Variants in CNTNAP2 observed in about 807,000 individuals in gnomAD.
CNTNAP2 encodes the protein contactin-associated protein-like 2.
Under a neutral mutation model 155.2 loss-of-function variants are expected in CNTNAP2, and 98 were observed. The observed-to-expected ratio is 0.63, with a 90% CI of 0.54 to 0.75. The LOEUF (loss-of-function observed/expected upper bound fraction) is 0.75. CNTNAP2 is among the 30% of genes least tolerant of loss of function. The pLI is 0.00. For synonymous variants in CNTNAP2, 651 were observed against 631.2 expected (o/e 1.03, Z -0.47); for missense variants, 1,727 against 1,688.1 (o/e 1.02, Z -0.40).
intron 13 of CNTNAP2, among the ~76,000 whole-genome samples, chr7:147,861,369 A>G (rs560437686): frequency 9.0e-4 from 102 of 112,958 alleles, no homozygotes; most frequent in African/African-American, 3.3e-3. Flanking sequence ...ATGCTTATAA[A>G]TGCCTCATAA....
At chr7:146,678,790 A>C in intron 1 of CNTNAP2, among the ~76,000 whole-genome samples, 1 of 152,226 alleles carries the variant, frequency 6.6e-6, no homozygotes, top group East Asian at 1.9e-4. Context: ...AGAACATTTT[A>C]AAATAGACTA....
At chr7:147,448,867 A>G (rs1002930548) in intron 10 of CNTNAP2, among the ~76,000 whole-genome samples, 13 of 152,170 alleles carry the variant, frequency 8.5e-5, no homozygotes, top group African/African-American at 3.1e-4. Context: ...ATTGTAATCT[A>G]TTGTTATGTT....
intron 2 of CNTNAP2, among the ~76,000 whole-genome samples, chr7:146,818,658 G>A (rs1239334075): frequency 6.6e-6 from 1 of 152,080 alleles, no homozygotes; most frequent in African/African-American, 2.4e-5. Context: ...TTTAGCATGT[G>A]TAAAATAGGA....
chr7:147,181,349 A>G (rs892204675), intron 8 of CNTNAP2, among the ~76,000 whole-genome samples: 1 of 152,220 alleles, frequency 6.6e-6, no homozygotes. Flanking sequence ...TATTTTAAAG[A>G]TTAGAATTCA....
chr7:147,271,405 T>A (rs567955316), intron 8 of CNTNAP2, among the ~76,000 whole-genome samples: 97 of 152,008 alleles, frequency 6.4e-4, no homozygotes, highest in Non-Finnish European at 1.2e-3. Context: ...CTGGTCCAAG[T>A]CCAGTCTTGT....
intron 13 of CNTNAP2, among the ~76,000 whole-genome samples, chr7:147,760,876 C>A (rs945205289): frequency 6.6e-6 from 1 of 152,082 alleles, no homozygotes; most frequent in Non-Finnish European, 1.5e-5. Context: ...TAGAAGAAAT[C>A]AAGAAAACAA....
At chr7:148,137,565 G>A (rs1804980371) in intron 16 of CNTNAP2, among the ~76,000 whole-genome samples, 1 of 152,152 alleles carries the variant, frequency 6.6e-6, no homozygotes, top group South Asian at 2.1e-4. Context: ...GGGAGGTTGA[G>A]GCAGGAGAAT....
At chr7:146,534,465 C>A (rs187651472) in intron 1 of CNTNAP2, among the ~76,000 whole-genome samples, 4 of 151,936 alleles carry the variant, frequency 2.6e-5, no homozygotes, top group Admixed American at 6.6e-5. Context: ...TGCAAATGTA[C>A]GGTGTATACA....
At chr7:147,172,384 G>A (rs1294594194) in intron 8 of CNTNAP2, among the ~76,000 whole-genome samples, 1 of 151,866 alleles carries the variant, frequency 6.6e-6, no homozygotes, top group Non-Finnish European at 1.5e-5. Context: ...TGATAATTAT[G>A]GAATAATGCA....
At chr7:147,520,055 G>C (rs759299178) in intron 11 of CNTNAP2, among the ~76,000 whole-genome samples, 1 of 152,054 alleles carries the variant, frequency 6.6e-6, no homozygotes, top group African/African-American at 2.4e-5. Context: ...GCTTTGGAAG[G>C]CTTCTTTCCA....
intron 15 of CNTNAP2, among the ~76,000 whole-genome samples, chr7:148,104,186 A>G (rs545409385): frequency 1.5e-4 from 23 of 152,284 alleles, no homozygotes; most frequent in Admixed American, 5.2e-4. Flanking sequence ...GGACTCTGTT[A>G]CTGTTTTCAG....
intron 9 of CNTNAP2, among the ~76,000 whole-genome samples, chr7:147,383,630 C>A (rs1051087398): frequency 6.6e-6 from 1 of 151,614 alleles, no homozygotes; most frequent in African/African-American, 2.4e-5. Context: ...GGGTGGGGAG[C>A]AAGGGGAGGG....
intron 10 of CNTNAP2, among the ~76,000 whole-genome samples, chr7:147,473,232 T>G (rs1307496670): frequency 6.6e-6 from 1 of 152,154 alleles, no homozygotes; most frequent in Non-Finnish European, 1.5e-5. Context: ...TGAAAGGGAT[T>G]AGGGAAATTA....
intron 3 of CNTNAP2, among the ~76,000 whole-genome samples, chr7:147,002,689 T>C (rs959351354): frequency 6.6e-6 from 1 of 151,922 alleles, no homozygotes; most frequent in Non-Finnish European, 1.5e-5. Flanking sequence ...ATGAGCAGAT[T>C]CATTGTTTGG....
intron 12 of CNTNAP2, among the ~76,000 whole-genome samples, chr7:147,590,439 C>T (rs774987225): frequency 6.6e-6 from 1 of 152,096 alleles, no homozygotes; most frequent in African/African-American, 2.4e-5. Flanking sequence ...TAAGGAGCTT[C>T]CCCCTTCGCT....
intron 10 of CNTNAP2, among the ~76,000 whole-genome samples, chr7:147,400,897 G>A (rs1796901424): frequency 6.6e-6 from 1 of 152,032 alleles, no homozygotes; most frequent in Non-Finnish European, 1.5e-5. Context: ...ATTTTTCTTG[G>A]AGCCAAAAGC....
intron 17 of CNTNAP2, among the ~76,000 whole-genome samples, chr7:148,150,873 G>A (rs140422175): frequency 2.0e-3 from 304 of 151,900 alleles, no homozygotes; most frequent in African/African-American, 7.0e-3. Flanking sequence ...TCCCCAAGTC[G>A]CTGGGACTAT....
chr7:147,935,959 T>C (rs999838740), intron 14 of CNTNAP2, among the ~76,000 whole-genome samples: 4 of 152,170 alleles, frequency 2.6e-5, no homozygotes, highest in Admixed American at 2.0e-4. Flanking sequence ...TAAACTCTTA[T>C]ATTCAGTCCT....
intron 13 of CNTNAP2, among the ~76,000 whole-genome samples, chr7:147,798,083 G>A (rs182210134): frequency 6.6e-6 from 1 of 152,110 alleles, no homozygotes; most frequent in Non-Finnish European, 1.5e-5. Context: ...TATAGATAAT[G>A]AATAATGTGC....
Sources: allele counts gnomAD v4.1 joint callset (sites outside exome capture counted in the v4.1 genomes callset), GRCh38; gene constraint gnomAD v4.1.1; transcripts MANE v1.5; gene names NCBI Gene and HGNC (gene_info 2026-07-23, HGNC 2026-07-21).